The following LRRC31 variants were observed in gnomAD, a reference collection of about 807,000 sequenced individuals.
LRRC31 encodes the protein leucine-rich repeat-containing protein 31.
LRRC31 carries 35 observed loss-of-function variants against 46.7 expected under a neutral mutation model. The observed-to-expected ratio is 0.75, with a 90% CI of 0.57 to 0.99. The LOEUF (loss-of-function observed/expected upper bound fraction) is 0.99, where lower values mean the gene tolerates loss of function less well. LRRC31 is among the 50% of genes least tolerant of loss of function. The pLI, the probability that LRRC31 is intolerant of heterozygous loss-of-function variation, is 0.00. For missense variants in LRRC31, 613 were observed against 626.1 expected (o/e 0.98, Z 0.22); for synonymous variants, 236 against 235.1 (o/e 1.00, Z -0.03).
At chr3:169,862,184 G>A (rs1379056030) in intron 1 of LRRC31, among the ~76,000 whole-genome samples, 2 of 152,224 alleles carry the variant, frequency 1.3e-5, no homozygotes, top group African/African-American at 2.4e-5. Context: ...TGCTAGGGAG[G>A]AAGCAGAGAT....
rs1781122445 is a variant in LRRC31, at chr3:169,860,611, A to G, written c.437T>C (p.Ile146Thr). 2 of 1,614,038 alleles carry G rather than the reference A, an allele frequency of 1.2e-6. No individual in the cohort carries two copies. The highest frequency in any genetic ancestry group is 1.7e-5 in the Admixed American group (1 of 59,992). ...GAGTCTGCAGCTACCCAGCCTCAAGATTTTTAACTTGCTGACCAGATGCAT... is the reference window on the plus strand; with the variant it reads ...GAGTCTGCAGCTACCCAGCCTCAAGGTTTTTAACTTGCTGACCAGATGCAT... ...QQMHLVSKLK[I>T]LRLGSCRLTT... is the part of the protein sequence containing the mutation. The change falls in exon 3 of 9, where the codon ATC (isoleucine) becomes ACC (threonine). Residue 146 changes from isoleucine to threonine, a missense_variant. By Grantham distance (89) the Ile-to-Thr change is moderately conservative (BLOSUM62 -1). Coordinates refer to ENST00000316428, the MANE Select transcript of LRRC31 (RefSeq NM_024727.4).
At chr3:169,847,088 G>C (rs1441247271) in intron 8 of LRRC31, among the ~76,000 whole-genome samples, 1 of 152,214 alleles carries the variant, frequency 6.6e-6, no homozygotes, top group African/African-American at 2.4e-5. Context: ...ATAGTGATTG[G>C]AGTGTGGGGA....
intron 1 of LRRC31, among the ~76,000 whole-genome samples, chr3:169,867,110 G>A (rs1781358326): frequency 7.0e-6 from 1 of 143,312 alleles, no homozygotes; most frequent in Non-Finnish European, 1.5e-5. Context: ...GAGTCCAGTG[G>A]TGCAATCATG....
At chr3:169,852,412 A>AC (rs1780811598) in intron 6 of LRRC31, among the ~76,000 whole-genome samples, 2 of 150,996 alleles carry the variant, frequency 1.3e-5, no homozygotes, top group African/African-American at 4.9e-5. Context: ...CAAAAAAAAA[A>AC]AAAAAAAAAA....
At chr3:169,858,928 C>T (rs1781054912) in intron 3 of LRRC31, among the ~76,000 whole-genome samples, 1 of 138,250 alleles carries the variant, frequency 7.2e-6, no homozygotes, top group African/African-American at 2.8e-5. Flanking sequence ...ATCACTTGAA[C>T]TCAGGAGGCG....
chr3:169,861,256 A>AC (rs1781143541), intron 2 of LRRC31, among the ~76,000 whole-genome samples: 1 of 150,748 alleles, frequency 6.6e-6, no homozygotes, highest in Non-Finnish European at 1.5e-5. Context: ...TTTAGTAGAG[A>AC]CGGGGTTTCA....
At chr3:169,869,567 A>T in intron 1 of LRRC31, 66 bp downstream of exon 1, 1 of 1,404,894 alleles carries the variant, frequency 7.1e-7, no homozygotes, top group Non-Finnish European at 9.5e-7. Flanking sequence ...AAATAAAAAT[A>T]TTTTAAATGT....
In LRRC31 at chr3:169,848,168, G is replaced by A; in HGVS notation, c.1279C>T (p.Leu427=). 1 of 1,614,218 alleles carries A rather than the reference G, an allele frequency of 6.2e-7. No individual in the cohort carries two copies. ...TLKLSMSLQV[L]RLSSCSLVTE... Reference sequence around the variant, plus strand: ...ACCAGGGAACAGCTGCTCAGCCTCAGCACTTGAAGAGACATGGAAAGCTTT... The same window carrying A: ...ACCAGGGAACAGCTGCTCAGCCTCAACACTTGAAGAGACATGGAAAGCTTT... Residue 427 remains leucine, a synonymous_variant, in exon 8 of 9, where the codon CTG becomes TTG. Transcript: ENST00000316428.
At chr3:169,852,426 A>AC (rs1780815231) in intron 6 of LRRC31, among the ~76,000 whole-genome samples, 2 of 137,092 alleles carry the variant, frequency 1.5e-5, no homozygotes, top group African/African-American at 5.4e-5. Context: ...AAAAAAAAAA[A>AC]AAAAACTCTT....
rs747916060 is a variant in LRRC31, at chr3:169,840,280, A to T, written c.1361T>A (p.Leu454Gln). Reference protein sequence around the residue: ...SVIQTGHLAKLQKLDLSYNDS... With the variant: ...SVIQTGHLAKQQKLDLSYNDS... ...ATTGTAGCTCAGGTCCAGCTTTTGCAGTTTGGCCAGATGACCCGTCTGTAT... is the reference window on the plus strand; with the variant it reads ...ATTGTAGCTCAGGTCCAGCTTTTGCTGTTTGGCCAGATGACCCGTCTGTAT... Residue 454 changes from leucine to glutamine, a missense_variant, in exon 9 of 9, where the codon CTG becomes CAG. Leu to Gln is a moderately radical substitution (Grantham distance 113, BLOSUM62 -2). Transcript: ENST00000316428. 6 of 1,614,166 alleles carry T rather than the reference A, an allele frequency of 3.7e-6. No individual in the cohort carries two copies. Among genetic ancestry groups the T allele is most frequent in the Middle Eastern group, 1.6e-4 (1 of 6,062 alleles).
chr3:169,851,412 AAAC>A (rs538129958), intron 7 of LRRC31, among the ~76,000 whole-genome samples: 171 of 152,240 alleles, frequency 1.1e-3, no homozygotes, highest in Non-Finnish European at 1.9e-3. Flanking sequence ...CTCAAAATAC[AAAC>A]AACAACAACA....
intron 3 of LRRC31, among the ~76,000 whole-genome samples, chr3:169,857,401 CACATAT>C (rs1169028661): frequency 1.3e-5 from 1 of 78,292 alleles, no homozygotes; most frequent in Non-Finnish European, 2.6e-5. Context: ...TACATACACA[CACATAT>C]ACATATACAT....
intron 6 of LRRC31, among the ~76,000 whole-genome samples, chr3:169,854,577 A>C (rs1011691083): frequency 5.9e-5 from 9 of 152,176 alleles, no homozygotes; most frequent in Non-Finnish European, 1.0e-4. Context: ...AATTTTCCCT[A>C]AGTGCCAAAT....
intron 6 of LRRC31, among the ~76,000 whole-genome samples, chr3:169,852,991 CA>C (rs1433847364): frequency 6.6e-6 from 1 of 152,088 alleles, no homozygotes; most frequent in Non-Finnish European, 1.5e-5. Flanking sequence ...GGAGAGAGGT[CA>C]GGGGAAAGAA....
chr3:169,855,126 A>T, intron 5 of LRRC31, 146 bp from the exon 6 acceptor site: 1 of 589,842 alleles, frequency 1.7e-6, no homozygotes, highest in Non-Finnish European at 2.9e-6. Context: ...TCCATCTCTT[A>T]AAAAAAGAAA....
At position 169,860,709 on chromosome 3, in the gene LRRC31, G is replaced by C. The variant is rs756619512; in HGVS notation, c.339C>G (p.Leu113=). The change falls in exon 3 of 9, where the codon CTC becomes CTG. Residue 113 remains leucine, a synonymous_variant. Transcript: ENST00000316428. The part of the protein sequence containing the change: ...MKEMVALLPF[L]PDLEELDISW... ...AGATATCCAGTTCTTCCAAGTCTGG[G>C]AGAAAAGGCAGCAAGGCAACTAGAA... The C allele has an allele frequency of 6.2e-7, 1 of 1,614,016 alleles. No homozygotes were observed. Among genetic ancestry groups the C allele is most frequent in the Non-Finnish European group, 8.5e-7 (1 of 1,179,944 alleles).
intron 1 of LRRC31, among the ~76,000 whole-genome samples, chr3:169,862,675 A>C (rs11923653): frequency 0.49 from 74,417 of 151,710 alleles, 19,175 homozygotes; most frequent in East Asian, 0.76. Context: ...GCAGGGGAAT[A>C]TCTTGAACCC....
At chr3:169,848,754 C>G (rs1047761033) in intron 7 of LRRC31, among the ~76,000 whole-genome samples, 1 of 152,218 alleles carries the variant, frequency 6.6e-6, no homozygotes, top group African/African-American at 2.4e-5. Context: ...CCGCGCCCAG[C>G]CTGTTGTCTG....
intron 5 of LRRC31, among the ~76,000 whole-genome samples, chr3:169,855,689 C>A (rs544842005): frequency 1.3e-5 from 2 of 152,222 alleles, no homozygotes; most frequent in African/African-American, 4.8e-5. Context: ...TTTATCAGTA[C>A]CTATTCCTTC....
Sources: gnomAD v4.1 joint callset for allele counts (sites outside exome capture counted in the v4.1 genomes callset) on GRCh38, gnomAD v4.1.1 for gene constraint, MANE v1.5 for transcripts, NCBI Gene and HGNC (gene_info 2026-07-23, HGNC 2026-07-21) for gene names.